THSD4: variants seen among roughly 807,000 people sequenced by gnomAD.
THSD4 encodes the protein thrombospondin type 1 domain containing 4.
In THSD4, 69 loss-of-function variants were observed where a neutral mutation model predicts 119.0. The observed-to-expected ratio is 0.58, with a 90% CI of 0.48 to 0.71. THSD4 has a LOEUF of 0.71. Among genes scored for constraint, THSD4 ranks in the 30% least tolerant of loss-of-function variants. THSD4 has a pLI of 0.00. For missense variants in THSD4, 1,393 were observed against 1,391.1 expected (o/e 1.00, Z -0.02); for synonymous variants, 524 against 540.4 (o/e 0.97, Z 0.42).
intron 1 of THSD4, among the ~76,000 whole-genome samples, chr15:71,116,168 G>A (rs981626613): frequency 5.9e-5 from 9 of 152,300 alleles, no homozygotes; most frequent in African/African-American, 1.7e-4. Context: ...CGCTCCTTGA[G>A]TCCTGGCCTG....
At chr15:71,451,009 C>A (rs1595780720) in intron 7 of THSD4, among the ~76,000 whole-genome samples, 1 of 152,154 alleles carries the variant, frequency 6.6e-6, no homozygotes, top group Non-Finnish European at 1.5e-5. Context: ...GAAACACCGT[C>A]TCCACTAAAA....
intron 7 of THSD4, among the ~76,000 whole-genome samples, chr15:71,503,905 T>A (rs190850907): frequency 1.7e-4 from 26 of 152,192 alleles, no homozygotes; most frequent in African/African-American, 6.0e-4. Context: ...AACAGGAAAA[T>A]GGAATCTTTG....
chr15:71,362,423 C>T (rs2045904096), intron 6 of THSD4, among the ~76,000 whole-genome samples: 1 of 152,082 alleles, frequency 6.6e-6, no homozygotes. Context: ...GATTGTAGAA[C>T]AAATCATTAC....
At chr15:71,274,965 A>G (rs2044573419) in intron 6 of THSD4, among the ~76,000 whole-genome samples, 1 of 152,274 alleles carries the variant, frequency 6.6e-6, no homozygotes, top group African/African-American at 2.4e-5. Flanking sequence ...ACTCACTGCA[A>G]AATATTAAAT....
chr15:71,566,022 C>T (rs993011333), intron 7 of THSD4, among the ~76,000 whole-genome samples: 8 of 152,082 alleles, frequency 5.3e-5, no homozygotes, highest in Non-Finnish European at 7.3e-5. Context: ...GTGCATCTGG[C>T]CCAACGCTCC....
intron 1 of THSD4, among the ~76,000 whole-genome samples, chr15:71,137,156 A>G (rs2040558992): frequency 6.6e-6 from 1 of 152,174 alleles, no homozygotes; most frequent in Non-Finnish European, 1.5e-5. Flanking sequence ...CTGTGAAGAA[A>G]GGTTATAAAT....
intron 7 of THSD4, among the ~76,000 whole-genome samples, chr15:71,602,956 G>T (rs2050042159): frequency 6.6e-6 from 1 of 152,202 alleles, no homozygotes; most frequent in South Asian, 2.1e-4. Flanking sequence ...TGTAGCCACT[G>T]GTGAGAAGGC....
At chr15:71,194,868 G>A (rs1413229413) in intron 3 of THSD4, among the ~76,000 whole-genome samples, 1 of 152,096 alleles carries the variant, frequency 6.6e-6, no homozygotes, top group Non-Finnish European at 1.5e-5. Context: ...ATACCTTGTG[G>A]GATGTTACAT....
intron 7 of THSD4, among the ~76,000 whole-genome samples, chr15:71,634,631 G>C (rs906362646): frequency 7.2e-5 from 11 of 152,182 alleles, no homozygotes; most frequent in African/African-American, 2.7e-4. Context: ...CTGGGGGACT[G>C]TCTCATTGAG....
intron 4 of THSD4, among the ~76,000 whole-genome samples, chr15:71,225,425 T>C (rs2044007832): frequency 6.6e-6 from 1 of 152,166 alleles, no homozygotes; most frequent in Non-Finnish European, 1.5e-5. Context: ...TTTTTATTGA[T>C]GCATTATTGA....
At chr15:71,538,483 A>G (rs907759691) in intron 7 of THSD4, among the ~76,000 whole-genome samples, 10 of 152,194 alleles carry the variant, frequency 6.6e-5, no homozygotes, top group African/African-American at 9.6e-5. Flanking sequence ...GCTTCGTGCT[A>G]TGTTTTAGTA....
At chr15:71,179,758 A>G (rs1483683931) in intron 3 of THSD4, among the ~76,000 whole-genome samples, 3 of 1,066 alleles carry the variant, frequency 2.8e-3, no homozygotes, top group African/African-American at 8.8e-3. Context: ...TCCAACAATG[A>G]TAGACTGGAT....
intron 8 of THSD4, among the ~76,000 whole-genome samples, chr15:71,699,187 G>A (rs187207349): frequency 6.0e-4 from 90 of 150,546 alleles, no homozygotes; most frequent in Non-Finnish European, 1.0e-3. Flanking sequence ...ACTTATCAAG[G>A]TGTATACATT....
chr15:71,490,977 A>G (rs1417694970), intron 7 of THSD4, among the ~76,000 whole-genome samples: 1 of 152,228 alleles, frequency 6.6e-6, no homozygotes, highest in East Asian at 1.9e-4. Context: ...AAGGGTTTCC[A>G]AACTCTGTTG....
chr15:71,554,534 A>G (rs914174755), intron 7 of THSD4, among the ~76,000 whole-genome samples: 2 of 151,804 alleles, frequency 1.3e-5, no homozygotes, highest in Admixed American at 1.3e-4. Context: ...GACTACAGGC[A>G]TGCGCCGCCA....
At position 71,434,141 on chromosome 15, in the gene THSD4, AG is replaced by A. The variant is rs1260737298; in HGVS notation, c.1152+22320del. Among the ~76,000 whole-genome samples, 3 of 152,300 alleles carry A rather than the reference AG, an allele frequency of 2.0e-5. No homozygotes were observed. The East Asian group carries it at 5.8e-4, about 29-fold the overall frequency. ...TTTTAAAGCTAGCTTTATTTACCAA[AG>A]GCTTATTAATGTCAACCTGAACCTA... is the stretch of plus-strand genomic sequence containing the variant. On this transcript the variant is annotated intron_variant, in intron 7 of 17. Coordinates refer to ENST00000261862, the MANE Select transcript of THSD4 (RefSeq NM_024817.3).
intron 3 of THSD4, among the ~76,000 whole-genome samples, chr15:71,193,407 C>T (rs1231105079): frequency 6.6e-6 from 1 of 152,158 alleles, no homozygotes; most frequent in Non-Finnish European, 1.5e-5. Flanking sequence ...ATATGACGCA[C>T]AGGGAAATAC....
intron 6 of THSD4, among the ~76,000 whole-genome samples, chr15:71,373,399 T>C (rs1338960424): frequency 6.6e-6 from 1 of 152,170 alleles, no homozygotes; most frequent in Non-Finnish European, 1.5e-5. Context: ...TGCCGAGTTC[T>C]CTGGCTTTCT....
chr15:71,234,404 A>AGGG (rs2044086176), intron 4 of THSD4, among the ~76,000 whole-genome samples: 1 of 152,266 alleles, frequency 6.6e-6, no homozygotes, highest in South Asian at 2.1e-4. Flanking sequence ...CTCCCGGTTC[A>AGGG]AGCAATTCTT....
Sources: allele counts gnomAD v4.1 joint callset (sites outside exome capture counted in the v4.1 genomes callset), GRCh38; gene constraint gnomAD v4.1.1; transcripts MANE v1.5; gene names NCBI Gene and HGNC (gene_info 2026-07-23, HGNC 2026-07-21).